Variants in PCED1B observed in about 807,000 individuals in gnomAD.
PCED1B encodes the protein PC-esterase domain-containing protein 1B.
For synonymous variants in PCED1B, 251 were observed against 246.1 expected, an observed-to-expected ratio of 1.02 and a Z score of -0.19; for missense variants, 573 against 573.9, an observed-to-expected ratio of 1.00 and a Z score of 0.02.
intron 2 of PCED1B, among the ~76,000 whole-genome samples, chr12:47,156,192 C>G (rs1453287229): frequency 6.6e-6 from 1 of 152,072 alleles, no homozygotes; most frequent in Non-Finnish European, 1.5e-5. Flanking sequence ...TTCACCATAG[C>G]CAAGAACAAA....
In PCED1B at chr12:47,171,065, C is replaced by CTTT. The variant is rs71437788; in HGVS notation, c.-525-45140_-525-45138dup. Among the ~76,000 whole-genome samples the CTTT allele has an allele frequency of 3.8e-3, 458 of 121,314 alleles. 10 individuals carry two copies. The highest frequency in any genetic ancestry group is 0.013 in the East Asian group (53 of 3,946). The allele number at this position is 121,314 out of a possible 152,430, so 79.6% of individuals were successfully genotyped here. A position where few individuals can be genotyped will look rare whatever the true frequency, so the allele number is the denominator to read the frequency against. On this transcript the variant is annotated intron_variant, in intron 2 of 3. Transcript: ENST00000546455. Reference sequence around the variant, plus strand: ...TTCTCCATTCTTCCTGCCAGGTTACCTTTTTTTTTTTTTTTTTTTGAGACG... The same window carrying CTTT: ...TTCTCCATTCTTCCTGCCAGGTTACCTTTTTTTTTTTTTTTTTTTTTTGAGACG...
At chr12:47,161,675 C>G (rs929479232) in intron 2 of PCED1B, among the ~76,000 whole-genome samples, 1 of 152,180 alleles carries the variant, frequency 6.6e-6, no homozygotes, top group African/African-American at 2.4e-5. Context: ...GGACTATAAG[C>G]TAGTTCAACC....
rs570519931 is a variant in PCED1B, at chr12:47,174,268, G to A, written c.-525-41954G>A. On this transcript the variant is annotated intron_variant, in intron 2 of 3. Transcript: ENST00000546455. ...TAGGAAAAATACAAAAATTAGCCAGGCATGGTGGCGCATGCTTGTAATTCC... is the reference window on the plus strand; with the variant it reads ...TAGGAAAAATACAAAAATTAGCCAGACATGGTGGCGCATGCTTGTAATTCC... Among the ~76,000 whole-genome samples the A allele has an allele frequency of 4.6e-5, 7 of 152,232 alleles. No homozygotes were observed. In the East Asian group the frequency reaches 1.2e-3, roughly 25 times the overall value.
chr12:47,104,677 A>G (rs1938866796), intron 2 of PCED1B, among the ~76,000 whole-genome samples: 1 of 152,218 alleles, frequency 6.6e-6, no homozygotes, highest in African/African-American at 2.4e-5. Flanking sequence ...GCCTTAGGGA[A>G]TTCAACTTTC....
At chr12:47,159,464 T>C (rs995687359) in intron 2 of PCED1B, among the ~76,000 whole-genome samples, 3 of 152,192 alleles carry the variant, frequency 2.0e-5, no homozygotes, top group African/African-American at 7.2e-5. Flanking sequence ...TGATATCTCA[T>C]TGTGGTTTTT....
At chr12:47,132,800 A>G (rs1347056393) in intron 2 of PCED1B, among the ~76,000 whole-genome samples, 3 of 152,198 alleles carry the variant, frequency 2.0e-5, no homozygotes, top group African/African-American at 7.2e-5. Flanking sequence ...CCTAAATATC[A>G]GCATTGCTGT....
chr12:47,170,492 C>A (rs61112940), intron 2 of PCED1B, among the ~76,000 whole-genome samples: 1 of 144,978 alleles, frequency 6.9e-6, no homozygotes, highest in African/African-American at 2.7e-5. Context: ...CCCCACCTCC[C>A]GGATGGGGCG....
chr12:47,227,014 T>C (rs1055268663), intron 3 of PCED1B, among the ~76,000 whole-genome samples: 1 of 152,188 alleles, frequency 6.6e-6, no homozygotes, highest in African/African-American at 2.4e-5. Context: ...TTTTTAATGC[T>C]TGGTCTCTTA....
chr12:47,089,174 G>A (rs900344163), intron 1 of PCED1B, among the ~76,000 whole-genome samples: 1 of 151,942 alleles, frequency 6.6e-6, no homozygotes, highest in Admixed American at 6.6e-5. Context: ...CAGGCGTGGT[G>A]GCTCACGCCT....
chr12:47,231,069 A>G (rs575086741), intron 3 of PCED1B, among the ~76,000 whole-genome samples: 1 of 152,304 alleles, frequency 6.6e-6, no homozygotes, highest in Admixed American at 6.5e-5. Flanking sequence ...CCCAGGTAGT[A>G]TGATTCCAAA....
chr12:47,124,466 A>G (rs1321571560), intron 2 of PCED1B, among the ~76,000 whole-genome samples: 1 of 151,428 alleles, frequency 6.6e-6, no homozygotes, highest in African/African-American at 2.4e-5. Flanking sequence ...TTACAAATAA[A>G]GTTCCTATAA....
chr12:47,201,279 T>G (rs1942755466), intron 2 of PCED1B, among the ~76,000 whole-genome samples: 1 of 152,120 alleles, frequency 6.6e-6, no homozygotes, highest in African/African-American at 2.4e-5. Context: ...ACTCGGGGCT[T>G]TGGGCGTTAT....
rs761616252 is a variant in PCED1B at position 47,235,655 on chromosome 12, T to C, written c.592T>C (p.Phe198Leu). ...FLKNEVVKAN[F>L]HSATEARKHN... ...GAAAAACGAAGTGGTCAAAGCCAAC[T>C]TCCACAGCGCCACCGAGGCACGTAA... Residue 198 changes from phenylalanine (F) to leucine (L), a missense_variant, in exon 4 of 4, where the codon TTC becomes CTC. Coordinates refer to ENST00000546455, the MANE Select transcript of PCED1B (RefSeq NM_138371.3). 1 of 1,612,282 alleles carries C rather than the reference T, an allele frequency of 6.2e-7. No homozygotes were observed. Among genetic ancestry groups the C allele is most frequent in the African/African-American group, 1.3e-5 (1 of 74,902 alleles).
intron 3 of PCED1B, among the ~76,000 whole-genome samples, chr12:47,220,413 C>G (rs1207230997): frequency 6.6e-6 from 1 of 152,136 alleles, no homozygotes; most frequent in Non-Finnish European, 1.5e-5. Context: ...CTCAGGTGAT[C>G]CACCCACCTC....
At chr12:47,183,801 C>CT (rs1025616154) in intron 2 of PCED1B, among the ~76,000 whole-genome samples, 3 of 152,186 alleles carry the variant, frequency 2.0e-5, no homozygotes, top group Admixed American at 6.5e-5. Context: ...CACTCGTAAA[C>CT]TTTTTTTTAT....
chr12:47,214,955 C>T (rs1449781958), intron 2 of PCED1B, among the ~76,000 whole-genome samples: 2 of 152,012 alleles, frequency 1.3e-5, no homozygotes, highest in East Asian at 1.9e-4. Flanking sequence ...GGCGCAATCT[C>T]GGCTTGCTGC....
chr12:47,205,564 A>G (rs1305921861), intron 2 of PCED1B, among the ~76,000 whole-genome samples: 1 of 152,250 alleles, frequency 6.6e-6, no homozygotes, highest in Non-Finnish European at 1.5e-5. Flanking sequence ...AGTTCAGCCT[A>G]TACCCAGGAA....
intron 2 of PCED1B, among the ~76,000 whole-genome samples, chr12:47,114,249 C>A (rs1917660): frequency 6.6e-6 from 1 of 151,936 alleles, no homozygotes; most frequent in Admixed American, 6.5e-5. Flanking sequence ...CACACCAAAC[C>A]TGCAAGTTGG....
intron 2 of PCED1B, chr12:47,136,038 C>G (rs965252824): frequency 1.3e-5 from 2 of 150,764 alleles, no homozygotes; most frequent in Non-Finnish European, 2.9e-5. Flanking sequence ...GGTACAGTAG[C>G]CTTTTTTCCT....
Sources: gnomAD v4.1 joint callset for allele counts (sites outside exome capture counted in the v4.1 genomes callset) on GRCh38, gnomAD v4.1.1 for gene constraint, MANE v1.5 for transcripts, NCBI Gene and HGNC (gene_info 2026-07-23, HGNC 2026-07-21) for gene names.